COMMD10: variants seen among roughly 807,000 people sequenced by gnomAD.
The protein encoded by COMMD10 is COMM domain containing 10, also known as COMM domain-containing protein 10.
COMMD10 carries 33 observed loss-of-function variants against 28.9 expected under a neutral mutation model. The observed-to-expected ratio is 1.14, with a 90% CI of 0.87 to 1.53. The LOEUF is 1.53. Ranked by LOEUF, COMMD10 falls within the 40% of genes most tolerant of loss-of-function variation. The pLI is 0.00. For missense variants in COMMD10, 310 were observed against 233.4 expected, an observed-to-expected ratio of 1.33 and a Z score of -2.14; for synonymous variants, 110 against 81.7, an observed-to-expected ratio of 1.35 and a Z score of -1.87.
Position 116,287,310 on chromosome 5 carries a change from C to A in COMMD10, c.511-4207C>A, listed in dbSNP as rs189396857. Among the ~76,000 whole-genome samples the A allele has an allele frequency of 2.8e-4, 42 of 151,600 alleles. 1 individual carries two copies. Among genetic ancestry groups the A allele is most frequent in the African/African-American group, 8.7e-4 (36 of 41,212 alleles). ...GTTTTATTTTCCTGGTAAATTGACC[C>A]TTTTGTCATTATATAATGTCTTTCT... is the stretch of plus-strand genomic sequence containing the variant. On this transcript the variant is annotated intron_variant, in intron 5 of 6. Transcript: ENST00000274458.
intron 5 of COMMD10, among the ~76,000 whole-genome samples, chr5:116,169,550 A>G (rs1294729307): frequency 2.6e-5 from 4 of 152,182 alleles, no homozygotes; most frequent in Admixed American, 2.6e-4. Context: ...AGAAAATGTC[A>G]GGCCAACATC....
chr5:116,130,859 A>T (rs1011930917), intron 4 of COMMD10, among the ~76,000 whole-genome samples: 10 of 152,134 alleles, frequency 6.6e-5, no homozygotes, highest in African/African-American at 2.4e-4. Context: ...TTCTAAAATG[A>T]ACATAATAAG....
intron 5 of COMMD10, among the ~76,000 whole-genome samples, chr5:116,174,342 TGGGTA>T (rs1753433930): frequency 6.6e-6 from 1 of 152,024 alleles, no homozygotes; most frequent in Non-Finnish European, 1.5e-5. Context: ...AGAGTAATAA[TGGGTA>T]TGGGAGGACA....
At chr5:116,132,352 G>C (rs530788433) in intron 4 of COMMD10, among the ~76,000 whole-genome samples, 3 of 152,240 alleles carry the variant, frequency 2.0e-5, no homozygotes, top group African/African-American at 7.2e-5. Flanking sequence ...TTGAGATCTT[G>C]AAAGATTGTG....
At chr5:116,263,465 A>T in intron 5 of COMMD10, among the ~76,000 whole-genome samples, 1 of 151,790 alleles carries the variant, frequency 6.6e-6, no homozygotes, top group South Asian at 2.1e-4. Flanking sequence ...AAAAATCCAC[A>T]TCTTATAGAG....
intron 4 of COMMD10, among the ~76,000 whole-genome samples, chr5:116,126,353 G>A (rs187212040): frequency 2.6e-4 from 39 of 152,226 alleles, no homozygotes; most frequent in Non-Finnish European, 4.6e-4. Flanking sequence ...TACTGCCCAA[G>A]GTAATTTATA....
chr5:116,165,802 C>A (rs7727528), intron 5 of COMMD10, among the ~76,000 whole-genome samples: 47,039 of 151,800 alleles, frequency 0.31, 10,169 homozygotes, highest in African/African-American at 0.62. Context: ...CCCTTGTGAC[C>A]TAATTTAACC....
intron 4 of COMMD10, among the ~76,000 whole-genome samples, chr5:116,129,337 A>G (rs11750725): frequency 0.51 from 72,324 of 143,126 alleles, 21,108 homozygotes; most frequent in Non-Finnish European, 0.65. Context: ...TTTTTTGTAT[A>G]TATAGTATAG....
rs542294384 is a variant in COMMD10 at position 116,256,225 on chromosome 5, A to G, written c.511-35292A>G. Among the ~76,000 whole-genome samples, 33 of 151,844 alleles carry G rather than the reference A, an allele frequency of 2.2e-4. 1 individual carries two copies. Among genetic ancestry groups the G allele is most frequent in the Middle Eastern group, 6.8e-3 (2 of 294 alleles). On this transcript the variant is annotated intron_variant, in intron 5 of 6. Transcript: ENST00000274458. ...GAGAGTTAACCATGTTTTGTCCAAAATGATTTTGAATCACCGTTCGGACAG... is the reference window on the plus strand; with the variant it reads ...GAGAGTTAACCATGTTTTGTCCAAAGTGATTTTGAATCACCGTTCGGACAG...
At chr5:116,287,739 T>G (rs151086226) in intron 5 of COMMD10, among the ~76,000 whole-genome samples, 417 of 151,786 alleles carry the variant, frequency 2.7e-3, no homozygotes, top group Non-Finnish European at 4.6e-3. Flanking sequence ...TCTACAGATA[T>G]TTTCTTTGTG....
At chr5:116,108,231 G>A (rs1750909666) in intron 4 of COMMD10, among the ~76,000 whole-genome samples, 1 of 152,254 alleles carries the variant, frequency 6.6e-6, no homozygotes. Context: ...TCTCTCCAGA[G>A]CTGCCAGGCA....
chr5:116,273,829 C>G (rs1750823913), intron 5 of COMMD10, among the ~76,000 whole-genome samples: 1 of 151,584 alleles, frequency 6.6e-6, no homozygotes, highest in Admixed American at 6.6e-5. Flanking sequence ...AAATATAATA[C>G]TTGGAACTAA....
chr5:116,107,752 G>A (rs528776089), intron 4 of COMMD10, among the ~76,000 whole-genome samples: 1 of 152,198 alleles, frequency 6.6e-6, no homozygotes, highest in East Asian at 1.9e-4. Context: ...CTTTGGAGGA[G>A]AAGAGCTGTT....
At position 116,121,715 on chromosome 5, in the gene COMMD10, C is replaced by T. The variant is rs541649082; in HGVS notation, c.400-12353C>T. On this transcript the variant is annotated intron_variant, in intron 4 of 6. Transcript: ENST00000274458. Reference sequence around the variant, plus strand: ...GGTATCTCATTGTGGTTTTGATTTGCATTCTCTGATGGCCAGTGATGATGA... The same window carrying T: ...GGTATCTCATTGTGGTTTTGATTTGTATTCTCTGATGGCCAGTGATGATGA... Among the ~76,000 whole-genome samples, 5 of 152,306 alleles carry T rather than the reference C, an allele frequency of 3.3e-5. No homozygotes were observed. The East Asian group carries it at 9.6e-4, about 29-fold the overall frequency.
chr5:116,274,307 A>G (rs759318499), intron 5 of COMMD10, among the ~76,000 whole-genome samples: 4 of 152,004 alleles, frequency 2.6e-5, no homozygotes, highest in Middle Eastern at 3.4e-3. Flanking sequence ...GAGTTTGGCA[A>G]ACTTTCTTCT....
At chr5:116,172,544 C>A (rs10478291) in intron 5 of COMMD10, among the ~76,000 whole-genome samples, 47,158 of 151,936 alleles carry the variant, frequency 0.31, 10,227 homozygotes, top group African/African-American at 0.62. Flanking sequence ...TACCCTAGGT[C>A]GGAAATATTT....
At chr5:116,155,580 A>G (rs1316460055) in intron 5 of COMMD10, among the ~76,000 whole-genome samples, 3 of 152,134 alleles carry the variant, frequency 2.0e-5, no homozygotes, top group East Asian at 1.9e-4. Flanking sequence ...AGAGGATAGT[A>G]TAGATGATTG....
At chr5:116,279,703 A>G (rs577032803) in intron 5 of COMMD10, among the ~76,000 whole-genome samples, 1 of 151,950 alleles carries the variant, frequency 6.6e-6, no homozygotes, top group South Asian at 2.1e-4. Flanking sequence ...TGGCAATGGT[A>G]TTGCATTGAT....
intron 5 of COMMD10, among the ~76,000 whole-genome samples, chr5:116,191,182 C>A (rs745377520): frequency 6.6e-6 from 1 of 152,070 alleles, no homozygotes; most frequent in African/African-American, 2.4e-5. Flanking sequence ...CTGCATGACA[C>A]CACAGGGATC....
Sources: allele counts gnomAD v4.1 joint callset (sites outside exome capture counted in the v4.1 genomes callset), GRCh38; gene constraint gnomAD v4.1.1; transcripts MANE v1.5; gene names NCBI Gene and HGNC (gene_info 2026-07-23, HGNC 2026-07-21).